Variants in ABCC9 observed in about 807,000 individuals in gnomAD.
The protein encoded by ABCC9 is ATP binding cassette subfamily C member 9, also known as ATP-binding cassette sub-family C member 9.
A neutral mutation model predicts 188.3 loss-of-function variants in ABCC9; 95 were observed. The ratio of observed to expected loss-of-function variants is 0.50; its 90% CI spans 0.43 to 0.60. The LOEUF is 0.60. ABCC9 is among the 20% of genes least tolerant of loss of function. The pLI, the probability that ABCC9 is intolerant of heterozygous loss-of-function variation, is 0.00. For missense variants in ABCC9, 1,102 were observed against 1,876.3 expected, an observed-to-expected ratio of 0.59 and a Z score of 7.62; for synonymous variants, 659 against 652.7, an observed-to-expected ratio of 1.01 and a Z score of -0.15.
chr12:21,888,223 T>G (rs1032688230), intron 14 of ABCC9, among the ~76,000 whole-genome samples: 4 of 152,170 alleles, frequency 2.6e-5, no homozygotes, highest in Admixed American at 6.6e-5. Flanking sequence ...GCATTTTTTT[T>G]GCAATTATAT....
At chr12:21,877,244 A>T (rs1492138) in intron 16 of ABCC9, among the ~76,000 whole-genome samples, 48,244 of 152,104 alleles carry the variant, frequency 0.32, 7,832 homozygotes, top group Non-Finnish European at 0.33. Context: ...TACCAAAGAG[A>T]GGGGACACAC....
chr12:21,859,357 G>GT (rs1945389369), intron 22 of ABCC9, among the ~76,000 whole-genome samples: 2 of 152,030 alleles, frequency 1.3e-5, no homozygotes, highest in African/African-American at 4.8e-5. Context: ...CAACCACTTA[G>GT]GGCATCTAAG....
At chr12:21,909,333 ATCT>A (rs1401132104) in intron 10 of ABCC9, among the ~76,000 whole-genome samples, 5 of 151,972 alleles carry the variant, frequency 3.3e-5, no homozygotes, top group Admixed American at 2.6e-4. Flanking sequence ...AAAAACTAGC[ATCT>A]TCTTTATTAC....
At chr12:21,808,890 T>C (rs1942042294) in intron 37 of ABCC9, among the ~76,000 whole-genome samples, 1 of 151,904 alleles carries the variant, frequency 6.6e-6, no homozygotes, top group Non-Finnish European at 1.5e-5. Context: ...CTTAAAGACA[T>C]GCTGTCTTAA....
intron 11 of ABCC9, among the ~76,000 whole-genome samples, chr12:21,907,759 A>G (rs549008955): frequency 6.6e-6 from 1 of 152,142 alleles, no homozygotes; most frequent in East Asian, 1.9e-4. Flanking sequence ...ACTGACGTTC[A>G]CTAGCCTCAA....
At chr12:21,919,073 T>G (rs2137945350) in intron 5 of ABCC9, among the ~76,000 whole-genome samples, 1 of 152,016 alleles carries the variant, frequency 6.6e-6, no homozygotes, top group Non-Finnish European at 1.5e-5. Flanking sequence ...AGAGGAAAAT[T>G]TACAGCTTTA....
intron 18 of ABCC9, among the ~76,000 whole-genome samples, chr12:21,869,926 G>A (rs1945981380): frequency 6.6e-6 from 1 of 152,120 alleles, no homozygotes; most frequent in Admixed American, 6.5e-5. Flanking sequence ...TACTAAACAT[G>A]GAAGATGGTC....
intron 3 of ABCC9, among the ~76,000 whole-genome samples, chr12:21,934,432 A>G (rs1949407608): frequency 1.3e-5 from 2 of 152,138 alleles, no homozygotes; most frequent in South Asian, 4.1e-4. Flanking sequence ...AGGCACTATT[A>G]TTCAACAAGT....
At chr12:21,933,672 G>T in intron 4 of ABCC9, 110 bp downstream of exon 4, 1 of 1,324,550 alleles carries the variant, frequency 7.5e-7, no homozygotes, top group Non-Finnish European at 1.1e-6. Context: ...GGATCAGAGA[G>T]CAAAAAATAT....
rs1178779154 is a variant in ABCC9, at chr12:21,894,027, C to T, written c.1802+5G>A. ...GCAAAAAATGCCAGACACTTCAGTG[C>T]ATACCTTATGATGGCTTTGACTGCA... On this transcript the variant is annotated splice_donor_5th_base_variant and intron_variant, in intron 14 of 39. Transcript: ENST00000261200. The T allele has an allele frequency of 1.2e-6, 2 of 1,613,744 alleles. No individual in the cohort carries two copies. The highest frequency in any genetic ancestry group is 1.7e-6 in the Non-Finnish European group (2 of 1,179,984).
chr12:21,830,934 T>G (rs1235338483), intron 30 of ABCC9: 1 of 151,934 alleles, frequency 6.6e-6, no homozygotes, highest in Non-Finnish European at 1.5e-5. Context: ...GTTCAAAGGG[T>G]TATAGGATTT....
chr12:21,805,420 C>T, intron 39 of ABCC9: 1 of 1,058,084 alleles, frequency 9.5e-7, no homozygotes, highest in Non-Finnish European at 1.4e-6. Context: ...AGCAAGAATC[C>T]ACTTGCAAAG....
chr12:21,887,677 T>C (rs1367189042), intron 15 of ABCC9, 149 bp downstream of exon 15: 1 of 661,662 alleles, frequency 1.5e-6, no homozygotes, highest in South Asian at 1.7e-5. Context: ...TTTAGACTTG[T>C]GAGGTTGTAG....
chr12:21,852,092 C>A lies in ABCC9; in HGVS notation c.2769+5G>T. ...TCTGAACTCTTCTGAACTATGAGCA[C>A]TTACCTTTTCTAATTCTTGATCTTG... On this transcript the variant is annotated splice_donor_5th_base_variant and intron_variant, in intron 24 of 39. Transcript: ENST00000261200. 1 of 1,613,556 alleles carries A rather than the reference C, an allele frequency of 6.2e-7. No homozygotes were observed. The highest frequency in any genetic ancestry group is 8.5e-7 in the Non-Finnish European group (1 of 1,179,802).
intron 18 of ABCC9, among the ~76,000 whole-genome samples, chr12:21,865,177 A>G (rs1323940357): frequency 2.6e-5 from 4 of 152,156 alleles, no homozygotes; most frequent in Non-Finnish European, 5.9e-5. Flanking sequence ...ACAGACGTGA[A>G]TTCAATAACC....
In ABCC9 at chr12:21,828,969, C is replaced by G; in HGVS notation, c.3658G>C (p.Glu1220Gln). 6.2e-7 allele frequency: 1 copy of G among 1,613,784 alleles called. No individual in the cohort carries two copies. Among genetic ancestry groups the G allele is most frequent in the Non-Finnish European group, 8.5e-7 (1 of 1,179,730 alleles). ...TGAAATGAACGTACCGTCCTGACCT[C>G]CAGCCATCTGTTGGCAGCTGAGAGA... is the stretch of plus-strand genomic sequence containing the variant. ...LFLSAANRWL[E>Q]VRTDYLGACI... The change falls in exon 31 of 40, where the codon GAG becomes CAG. Residue 1220 changes from glutamate (E) to glutamine (Q), a missense_variant. Around this residue, in one of 12 missense-constraint regions of ABCC9, gnomAD observed 143 missense variants for 225.6 expected, o/e 0.63. Coordinates refer to ENST00000261200, the MANE Select transcript of ABCC9 (RefSeq NM_020297.4).
At chr12:21,850,594 C>T (rs1944913251) in intron 24 of ABCC9, among the ~76,000 whole-genome samples, 1 of 152,154 alleles carries the variant, frequency 6.6e-6, no homozygotes, top group Admixed American at 6.6e-5. Flanking sequence ...CACTTCATTT[C>T]TAAATACAAC....
intron 36 of ABCC9, among the ~76,000 whole-genome samples, chr12:21,810,558 A>C (rs994731117): frequency 6.6e-6 from 1 of 152,082 alleles, no homozygotes; most frequent in Non-Finnish European, 1.5e-5. Context: ...TATTAAGCAA[A>C]GTGGGAAAAG....
intron 5 of ABCC9, among the ~76,000 whole-genome samples, chr12:21,921,991 A>G (rs1341884763): frequency 6.6e-6 from 1 of 152,022 alleles, no homozygotes; most frequent in East Asian, 1.9e-4. Context: ...GTATGAAATC[A>G]GGTAATGTGA....
Sources: allele counts gnomAD v4.1 joint callset (sites outside exome capture counted in the v4.1 genomes callset), GRCh38; gene constraint gnomAD v4.1.1; regional missense constraint gnomAD v4.1.1; transcripts MANE v1.5; gene names NCBI Gene and HGNC (gene_info 2026-07-23, HGNC 2026-07-21).